The following BCL2L13 variants were observed in gnomAD, a reference collection of about 807,000 sequenced individuals.
BCL2L13 encodes BCL2 like 13, also known as bcl-2-like protein 13.
A neutral mutation model predicts 25.8 loss-of-function variants in BCL2L13; 13 were observed. The ratio of observed to expected loss-of-function variants is 0.50; its 90% CI spans 0.33 to 0.80. The LOEUF is 0.80. Ranked by LOEUF, BCL2L13 falls within the 30% of genes least tolerant of loss-of-function variation. BCL2L13 has a pLI of 0.02. For missense variants in BCL2L13, 504 were observed against 574.9 expected (o/e 0.88, Z 1.26); for synonymous variants, 244 against 230.3 (o/e 1.06, Z -0.54).
intron 6 of BCL2L13, among the ~76,000 whole-genome samples, chr22:17,726,136 A>T (rs2061289949): frequency 6.6e-6 from 1 of 152,104 alleles, no homozygotes; most frequent in South Asian, 2.1e-4. Flanking sequence ...GGATCACTGA[A>T]GGTCAGGAGT....
chr22:17,658,625 C>T lies in BCL2L13; in HGVS notation c.121+2793C>T, dbSNP rs186102530. On this transcript the variant is annotated intron_variant, in intron 2 of 6. Coordinates refer to ENST00000317582, the MANE Select transcript of BCL2L13 (RefSeq NM_015367.4). ...AGGAGCATTGCTTGAACCCAGGAGG[C>T]GGAGGTTGCAGTGAGCAGAGATTCC... is the stretch of plus-strand genomic sequence containing the variant. Among the ~76,000 whole-genome samples, 6 of 139,526 alleles carry T rather than the reference C, an allele frequency of 4.3e-5. No individual in the cohort carries two copies. In the East Asian group the frequency reaches 1.1e-3, roughly 25 times the overall value. 91.5% of individuals were successfully genotyped at this position (139,526 alleles called of 152,430 possible). A position where few individuals can be genotyped will look rare whatever the true frequency, so the allele number is the denominator to read the frequency against.
At chr22:17,633,291 C>T (rs901022457) in intron 1 of BCL2L13, among the ~76,000 whole-genome samples, 3 of 152,140 alleles carry the variant, frequency 2.0e-5, no homozygotes, top group African/African-American at 7.2e-5. Context: ...TGCTGATTCA[C>T]CAAGGAACAG....
intron 2 of BCL2L13, among the ~76,000 whole-genome samples, chr22:17,676,622 T>C (rs1179379833): frequency 6.6e-6 from 1 of 152,214 alleles, no homozygotes; most frequent in African/African-American, 2.4e-5. Context: ...AGAAATAGCA[T>C]GGGCCGTGAA....
At chr22:17,635,312 C>T (rs897905560), upstream of BCL2L13, among the ~76,000 whole-genome samples, 2 of 151,968 alleles carry the variant, frequency 1.3e-5, no homozygotes, top group Non-Finnish European at 2.9e-5. Flanking sequence ...CTCAGGCGGG[C>T]GGATCACAAG....
intron 1 of BCL2L13, among the ~76,000 whole-genome samples, chr22:17,631,670 G>GTATGTATATATA (rs2058022086): frequency 3.7e-5 from 1 of 26,894 alleles, no homozygotes; most frequent in African/African-American, 1.3e-4. Flanking sequence ...GTGTGTGTGT[G>GTATGTATATATA]TATATATATA....
In BCL2L13 at chr22:17,727,736, C is replaced by A; in HGVS notation, c.*202C>A. 1.5e-6 allele frequency: 1 copy of A among 684,874 alleles called. No homozygotes were observed. The highest frequency in any genetic ancestry group is 2.4e-6 in the Non-Finnish European group (1 of 417,560). The allele number at this position is 684,874 out of a possible 1,614,324, so 42.4% of individuals were successfully genotyped here. ...TCATCTGACTGTAAATCCCAAGGGCCTCCGCTCATGCTAAATTGAGAATCT... is the reference window on the plus strand; with the variant it reads ...TCATCTGACTGTAAATCCCAAGGGCATCCGCTCATGCTAAATTGAGAATCT... On this transcript the variant is annotated 3_prime_UTR_variant, in exon 7 of 7. Transcript: ENST00000317582.
At chr22:17,649,391 C>T (rs1365352424) in intron 1 of BCL2L13, among the ~76,000 whole-genome samples, 4 of 151,958 alleles carry the variant, frequency 2.6e-5, no homozygotes, top group African/African-American at 4.8e-5. Context: ...GCCATCACGC[C>T]GGGCCAATTT....
At chr22:17,685,526 C>T (rs2059900796) in intron 3 of BCL2L13, among the ~76,000 whole-genome samples, 1 of 151,970 alleles carries the variant, frequency 6.6e-6, no homozygotes, top group African/African-American at 2.4e-5. Flanking sequence ...ACCTGGCCGA[C>T]TTAGCATAAT....
intron 1 of BCL2L13, among the ~76,000 whole-genome samples, chr22:17,642,857 A>T (rs750776874): frequency 1.3e-5 from 2 of 152,138 alleles, no homozygotes; most frequent in Non-Finnish European, 2.9e-5. Flanking sequence ...TCTGCCTCCC[A>T]AAGTGCTGGG....
In BCL2L13 at chr22:17,710,302, C is replaced by T. The variant is rs116328526; in HGVS notation, c.600+7916C>T. Among the ~76,000 whole-genome samples, 807 of 151,942 alleles carry T rather than the reference C, an allele frequency of 5.3e-3. 9 individuals carry two copies. The highest frequency in any genetic ancestry group is 0.018 in the African/African-American group (766 of 41,424). The stretch of plus-strand genomic sequence containing the variant: ...ATAAAGCTATTTAATCTGAATTGGC[C>T]GGGTGCAGTGGCTCACACCTGTAAT... On this transcript the variant is annotated intron_variant, in intron 6 of 6. Coordinates refer to ENST00000317582, the MANE Select transcript of BCL2L13 (RefSeq NM_015367.4).
At chr22:17,691,156 T>C (rs1200364420) in intron 4 of BCL2L13, among the ~76,000 whole-genome samples, 1 of 152,094 alleles carries the variant, frequency 6.6e-6, no homozygotes, top group East Asian at 1.9e-4. Flanking sequence ...TGTGAGCCAT[T>C]GTACCTAGCC....
At chr22:17,646,174 T>G (rs1373367074) in intron 1 of BCL2L13, among the ~76,000 whole-genome samples, 1 of 151,450 alleles carries the variant, frequency 6.6e-6, no homozygotes, top group East Asian at 1.9e-4. Flanking sequence ...GTAAAAAGAT[T>G]AAGGCACAGA....
intron 2 of BCL2L13, among the ~76,000 whole-genome samples, chr22:17,666,137 G>T (rs960645527): frequency 1.3e-5 from 2 of 152,002 alleles, no homozygotes; most frequent in Non-Finnish European, 2.9e-5. Flanking sequence ...TCTAGGGGAT[G>T]TGCTGTAATC....
At chr22:17,668,452 G>GTT (rs769514595) in intron 2 of BCL2L13, among the ~76,000 whole-genome samples, 7 of 141,622 alleles carry the variant, frequency 4.9e-5, no homozygotes, top group Admixed American at 7.1e-5. Context: ...TTTGATCTGT[G>GTT]TTTTTTTTTT....
intron 2 of BCL2L13, among the ~76,000 whole-genome samples, chr22:17,671,461 G>A (rs2059417326): frequency 6.6e-6 from 1 of 150,472 alleles, no homozygotes; most frequent in Non-Finnish European, 1.5e-5. Context: ...CAGCTACTCA[G>A]GAGGCTGAGG....
chr22:17,683,726 TTCAAC>T (rs756339930), intron 3 of BCL2L13, among the ~76,000 whole-genome samples: 21,762 of 152,036 alleles, frequency 0.14, 2,055 homozygotes, highest in Non-Finnish European at 0.21. Context: ...ATAATGTACA[TTCAAC>T]TTTATAGCCA....
chr22:17,692,983 G>A (rs564489808), intron 4 of BCL2L13, among the ~76,000 whole-genome samples: 10 of 151,898 alleles, frequency 6.6e-5, no homozygotes, highest in African/African-American at 2.2e-4. Flanking sequence ...CACTGGCCAC[G>A]TTTCTAATGC....
At chr22:17,702,208 G>T (rs938566743) in intron 5 of BCL2L13, 35 bp from the exon 6 acceptor site, 6 of 1,519,640 alleles carry the variant, frequency 3.9e-6, no homozygotes, top group African/African-American at 1.4e-5. Flanking sequence ...AAGAATTTCA[G>T]TGTGGTTTTT....
At chr22:17,683,914 G>A (rs538949764) in intron 3 of BCL2L13, among the ~76,000 whole-genome samples, 7 of 150,742 alleles carry the variant, frequency 4.6e-5, no homozygotes, top group African/African-American at 1.7e-4. Context: ...TTGCTCTGTT[G>A]CCCAGGCTGG....
Sources: allele counts gnomAD v4.1 joint callset (sites outside exome capture counted in the v4.1 genomes callset), GRCh38; gene constraint gnomAD v4.1.1; transcripts MANE v1.5; gene names NCBI Gene and HGNC (gene_info 2026-07-23, HGNC 2026-07-21).